Variants in CAPN8 observed in about 807,000 individuals in gnomAD.
The protein encoded by CAPN8 is calpain 8, also known as calpain-8.
In CAPN8, 87 loss-of-function variants were observed where a neutral mutation model predicts 80.9. The observed-to-expected ratio is 1.07, with a 90% confidence interval of 0.90 to 1.28. The LOEUF is 1.28. Among genes scored for constraint, CAPN8 ranks in the 50% most tolerant of loss-of-function variants. CAPN8 has a pLI of 0.00. For synonymous variants in CAPN8, 299 were observed against 273.8 expected (o/e 1.09, Z -0.91); for missense variants, 757 against 702.0 (o/e 1.08, Z -0.89).
intron 11 of CAPN8, 49 bp downstream of exon 11, chr1:223,612,197 C>T (rs2102698145): frequency 8.1e-7 from 1 of 1,233,306 alleles, no homozygotes; most frequent in African/African-American, 1.5e-5. Context: ...CTGAAGGCAG[C>T]CAAGCTATTT....
At chr1:223,662,123 A>C (rs1658661914) in intron 1 of CAPN8, among the ~76,000 whole-genome samples, 1 of 152,200 alleles carries the variant, frequency 6.6e-6, no homozygotes, top group Non-Finnish European at 1.5e-5. Context: ...AATCAAATTC[A>C]AAGAGACAGA....
At chr1:223,610,313 G>T (rs1055053961) in intron 11 of CAPN8, among the ~76,000 whole-genome samples, 1 of 152,152 alleles carries the variant, frequency 6.6e-6, no homozygotes, top group Non-Finnish European at 1.5e-5. Context: ...CAGGCCACCT[G>T]CCCCCACTAC....
At chr1:223,550,894 A>T (rs1558336775) in intron 15 of CAPN8, 66 bp downstream of exon 15, 1 of 703,204 alleles carries the variant, frequency 1.4e-6, no homozygotes, top group Admixed American at 2.1e-5. Flanking sequence ...ATGCCTGCCT[A>T]CCCATCCCTC....
rs1471724047 is a variant in CAPN8 at position 223,628,773 on chromosome 1, G to A, written c.315C>T (p.Cys105=). The A allele has an allele frequency of 6.4e-7, 1 of 1,554,426 alleles. No individual in the cohort carries two copies. The change falls in exon 3 of 21, where the codon TGC becomes TGT. Residue 105 remains cysteine (C), a synonymous_variant. Coordinates refer to ENST00000366872, the MANE Select transcript of CAPN8 (RefSeq NM_001143962.2). Reference sequence around the variant, plus strand: ...GGGAGGCAATGGCAGCCAGAAGCCAGCAGTCACCTGCACAGTGTCACAGGG... The same window carrying A: ...GGGAGGCAATGGCAGCCAGAAGCCAACAGTCACCTGCACAGTGTCACAGGG... The part of the protein sequence containing the change: ...TDICQGGLGD[C]WLLAAIASLT...
chr1:223,655,857 G>A (rs1036942640), intron 1 of CAPN8, among the ~76,000 whole-genome samples: 2 of 152,146 alleles, frequency 1.3e-5, no homozygotes, highest in Admixed American at 1.3e-4. Flanking sequence ...GGGACAAAAC[G>A]GAAGTCAGCC....
chr1:223,629,022 G>A (rs1657692078), intron 2 of CAPN8: 1 of 500,994 alleles, frequency 2.0e-6, no homozygotes, highest in East Asian at 3.3e-5. Context: ...TCCCCCACAT[G>A]CTGATCATTT....
At chr1:223,651,247 C>T (rs1028953402) in intron 2 of CAPN8, among the ~76,000 whole-genome samples, 1 of 152,036 alleles carries the variant, frequency 6.6e-6, no homozygotes, top group East Asian at 1.9e-4. Flanking sequence ...GAGGCCTGAG[C>T]GTTGTGGGAG....
intron 15 of CAPN8, among the ~76,000 whole-genome samples, chr1:223,550,086 G>A (rs1387186207): frequency 6.6e-6 from 1 of 152,204 alleles, no homozygotes; most frequent in Non-Finnish European, 1.5e-5. Context: ...CATGTCACTG[G>A]AGCTCCATCC....
At chr1:223,628,919 C>G (rs1048357148) in intron 2 of CAPN8, 139 bp from the exon 3 acceptor site, 2 of 644,214 alleles carry the variant, frequency 3.1e-6, no homozygotes, top group African/African-American at 3.7e-5. Context: ...TCCTCCGGTG[C>G]TGGAAATGCA....
At chr1:223,551,289 C>T (rs1014838208) in intron 14 of CAPN8, among the ~76,000 whole-genome samples, 1 of 152,124 alleles carries the variant, frequency 6.6e-6, no homozygotes, top group Non-Finnish European at 1.5e-5. Context: ...ACTACAGATG[C>T]GTGCCACCAC....
chr1:223,660,012 T>C (rs550685516), intron 1 of CAPN8, among the ~76,000 whole-genome samples: 120 of 152,186 alleles, frequency 7.9e-4, no homozygotes, highest in Admixed American at 1.9e-3. Context: ...ACGCAATAAA[T>C]CATGGCTAAA....
At chr1:223,614,065 T>G (rs1333935041) in intron 10 of CAPN8, among the ~76,000 whole-genome samples, 1 of 152,212 alleles carries the variant, frequency 6.6e-6, no homozygotes, top group East Asian at 1.9e-4. Context: ...ACAAAGCTAT[T>G]TCAGTCCCTT....
At chr1:223,661,988 A>G (rs955161667) in intron 1 of CAPN8, among the ~76,000 whole-genome samples, 2 of 152,222 alleles carry the variant, frequency 1.3e-5, no homozygotes, top group African/African-American at 4.8e-5. Flanking sequence ...TCAACCTTTG[A>G]AAGGAAGGAA....
intron 20 of CAPN8, 128 bp downstream of exon 20, chr1:223,542,980 A>G: frequency 4.0e-6 from 4 of 991,412 alleles, no homozygotes; most frequent in Non-Finnish European, 5.9e-6. Flanking sequence ...GGTGCCTGCC[A>G]CAGAACATGC....
intron 7 of CAPN8, chr1:223,622,609 C>A: frequency 3.6e-6 from 2 of 560,370 alleles, no homozygotes; most frequent in South Asian, 2.4e-5. Flanking sequence ...AGCAGAAAGC[C>A]AGAATCGAAG....
At chr1:223,543,949 C>A in intron 19 of CAPN8, 118 bp downstream of exon 19, 1 of 629,040 alleles carries the variant, frequency 1.6e-6, no homozygotes, top group Non-Finnish European at 2.9e-6. Flanking sequence ...CCCTGTCTAT[C>A]ATTTTCTGGG....
Position 223,628,153 on chromosome 1 carries a change from G to T in CAPN8, c.427-11C>A. 1.3e-6 allele frequency: 2 copies of T among 1,537,764 alleles called. No individual in the cohort carries two copies. Among genetic ancestry groups the T allele is most frequent in the Non-Finnish European group, 1.8e-6 (2 of 1,138,818 alleles). On this transcript the variant is annotated splice_polypyrimidine_tract_variant and intron_variant, in intron 3 of 20. Coordinates refer to ENST00000366872, the MANE Select transcript of CAPN8 (RefSeq NM_001143962.2). ...TCCGTACTGCCAGAACTGGGGAGGGGGGACACAGCGGCTGCTCACATGAAT... is the reference window on the plus strand; with the variant it reads ...TCCGTACTGCCAGAACTGGGGAGGGTGGACACAGCGGCTGCTCACATGAAT...
chr1:223,616,173 C>T (rs1657179823), intron 9 of CAPN8, 28 bp from the exon 10 acceptor site: 2 of 1,535,196 alleles, frequency 1.3e-6, no homozygotes, highest in Admixed American at 4.0e-5. Context: ...GATGGTGGTT[C>T]CCCACGTAGC....
At chr1:223,662,516 A>C (rs1658673266) in intron 1 of CAPN8, among the ~76,000 whole-genome samples, 1 of 152,180 alleles carries the variant, frequency 6.6e-6, no homozygotes, top group Non-Finnish European at 1.5e-5. Context: ...GGGAAGAATG[A>C]ATGGGGAGTT....
Sources: gnomAD v4.1 joint callset for allele counts (sites outside exome capture counted in the v4.1 genomes callset) on GRCh38, gnomAD v4.1.1 for gene constraint, MANE v1.5 for transcripts, NCBI Gene and HGNC (gene_info 2026-07-23, HGNC 2026-07-21) for gene names.